The following DMD variants were observed in gnomAD, a reference collection of about 807,000 sequenced individuals.
DMD encodes the protein dystrophin, also known as mutant dystrophin.
Under a neutral mutation model 330.1 loss-of-function variants are expected in DMD, and 63 were observed. That is an observed-to-expected ratio of 0.19 (90% CI 0.16 to 0.24). The LOEUF is 0.24. Among genes scored for constraint, DMD ranks in the 10% least tolerant of loss-of-function variants. The probability of loss-of-function intolerance (pLI) is 1.00; values close to 1 mark genes in which losing one functional copy is unlikely to be tolerated. For synonymous variants in DMD, 1,223 were observed against 959.8 expected, an observed-to-expected ratio of 1.27 and a Z score of -5.07; for missense variants, 3,344 against 2,684.1, an observed-to-expected ratio of 1.25 and a Z score of -5.43.
At chrX:32,000,121 T>G (rs1603619760) in intron 44 of DMD, among the ~76,000 whole-genome samples, 1 of 112,366 alleles carries the variant, frequency 8.9e-6, no homozygotes, top group Middle Eastern at 4.6e-3. Flanking sequence ...AATTGATAAA[T>G]AAAATGGAAT....
intron 12 of DMD, among the ~76,000 whole-genome samples, chrX:32,599,980 C>T (rs115645557): frequency 0.052 from 5,871 of 111,976 alleles, 159 homozygotes; most frequent in African/African-American, 0.088. Flanking sequence ...ATTGGACAAA[C>T]AGTTTTTGTT....
intron 1 of DMD, among the ~76,000 whole-genome samples, chrX:33,323,318 A>C (rs1447203596): frequency 8.9e-6 from 1 of 111,994 alleles, no homozygotes; most frequent in East Asian, 2.8e-4. Context: ...AGTCTTGCTT[A>C]ATTTGTGAAA....
At chrX:32,935,125 C>A (rs892744134) in intron 2 of DMD, among the ~76,000 whole-genome samples, 3 of 112,250 alleles carry the variant, frequency 2.7e-5, no homozygotes, top group Non-Finnish European at 3.8e-5. Flanking sequence ...ACTACAGGCG[C>A]CCGCCACCAC....
At chrX:33,181,118 C>G (rs1444717976) in intron 1 of DMD, among the ~76,000 whole-genome samples, 1 of 110,707 alleles carries the variant, frequency 9.0e-6, no homozygotes, top group African/African-American at 3.3e-5. Flanking sequence ...GACCTAGGTT[C>G]TAATGATATA....
At chrX:33,153,724 T>A (rs930639365) in intron 1 of DMD, among the ~76,000 whole-genome samples, 1 of 112,575 alleles carries the variant, frequency 8.9e-6, no homozygotes, top group African/African-American at 3.2e-5. Context: ...TTTACCTTTG[T>A]TATAAAATTA....
At position 33,195,732 on chromosome X, in the gene DMD, TTGTG is replaced by T. The variant is rs71969580; in HGVS notation, c.31+15546_31+15549del. ...TAGGATTATCCCATCCTGTTCTATT[TTGTG>T]TGTGTGTGTGTGTGTGTGTGTGTGT... is the stretch of plus-strand genomic sequence containing the variant. On this transcript the variant is annotated intron_variant, in intron 1 of 78. Transcript: ENST00000357033. 9.2e-5 allele frequency among the ~76,000 whole-genome samples: 9 copies of T among 97,702 alleles called. No individual in the cohort carries two copies. The South Asian group carries it at 1.5e-3, about 16-fold the overall frequency. The allele number at this position is 97,702 out of a possible 115,157, so 84.8% of individuals were successfully genotyped here.
At chrX:31,802,304 G>A (rs1268127057) in intron 50 of DMD, among the ~76,000 whole-genome samples, 2 of 110,828 alleles carry the variant, frequency 1.8e-5, no homozygotes, top group Non-Finnish European at 3.8e-5. Flanking sequence ...TGAATGAGGA[G>A]AGATTAGGTT....
intron 44 of DMD, among the ~76,000 whole-genome samples, chrX:32,197,783 T>G (rs181128877): frequency 1.8e-3 from 200 of 111,951 alleles, no homozygotes; most frequent in Non-Finnish European, 2.3e-3. Context: ...AAATGTGGAC[T>G]AGCTAAAATG....
chrX:32,959,784 C>T (rs746384445), intron 2 of DMD, among the ~76,000 whole-genome samples: 17 of 111,435 alleles, frequency 1.5e-4, no homozygotes, highest in Non-Finnish European at 2.1e-4. Context: ...CAACAAATCA[C>T]GTATAGGCAA....
At chrX:31,672,071 C>T (rs979727878) in intron 53 of DMD, among the ~76,000 whole-genome samples, 2 of 111,795 alleles carry the variant, frequency 1.8e-5, no homozygotes, top group Non-Finnish European at 3.8e-5. Context: ...ACTGCTTCAG[C>T]CTCCTCCCAT....
chrX:32,378,193 T>C (rs2097911374), intron 34 of DMD, among the ~76,000 whole-genome samples: 2 of 110,512 alleles, frequency 1.8e-5, no homozygotes, highest in Admixed American at 9.7e-5. Context: ...CTTCTTGGTT[T>C]TGTCTTTTAG....
chrX:32,148,557 T>C (rs2096789547), intron 44 of DMD, among the ~76,000 whole-genome samples: 1 of 109,743 alleles, frequency 9.1e-6, no homozygotes, highest in African/African-American at 3.3e-5. Context: ...GAATAAACTA[T>C]TGTTTTTGTT....
chrX:32,592,787 A>G (rs141802115), intron 13 of DMD, among the ~76,000 whole-genome samples: 91 of 112,151 alleles, frequency 8.1e-4, no homozygotes, highest in African/African-American at 2.8e-3. Flanking sequence ...GGGTTGTGGC[A>G]TGCTGTAACA....
intron 44 of DMD, among the ~76,000 whole-genome samples, chrX:31,981,167 G>A (rs2095473677): frequency 8.9e-6 from 1 of 111,737 alleles, no homozygotes; most frequent in African/African-American, 3.3e-5. Flanking sequence ...GATCAATTTA[G>A]ACAATCTATA....
intron 11 of DMD, among the ~76,000 whole-genome samples, chrX:32,641,226 C>T (rs957573163): frequency 8.2e-5 from 9 of 110,346 alleles, no homozygotes; most frequent in African/African-American, 3.0e-4. Flanking sequence ...AACTATATTC[C>T]TATCCGGTAT....
At chrX:33,237,389 G>A (rs1276431638) in intron 1 of DMD, among the ~76,000 whole-genome samples, 1 of 109,502 alleles carries the variant, frequency 9.1e-6, no homozygotes, top group Non-Finnish European at 1.9e-5. Flanking sequence ...GATTACAGGC[G>A]TGTGCCACCA....
At position 32,545,211 on chromosome X, in the gene DMD, G is replaced by T. The variant is rs749527111; in HGVS notation, c.2116C>A (p.Pro706Thr). 1.7e-6 allele frequency: 2 copies of T among 1,210,718 alleles called. No individual in the cohort carries two copies. The highest frequency in any genetic ancestry group is 3.0e-5 in the East Asian group (1 of 33,807). The change falls in exon 17 of 79, where the codon CCA becomes ACA. Residue 706 changes from proline to threonine, a missense_variant. By Grantham distance (38) the Pro-to-Thr change is conservative (BLOSUM62 -1). Coordinates refer to ENST00000357033, the MANE Select transcript of DMD (RefSeq NM_004006.3). ...VKHAQEELPP[P>T]PPQKKRQITV... ...ATCTGCCTCTTCTTTTGGGGAGGTG[G>T]TGGTGGAAGTTCCTCTTGAGCATGC...
At chrX:32,226,434 A>T (rs146668950) in intron 43 of DMD, among the ~76,000 whole-genome samples, 4,820 of 111,587 alleles carry the variant, frequency 0.043, 261 homozygotes, top group African/African-American at 0.15. Flanking sequence ...CTCTATTAAC[A>T]TACTACTTCA....
At chrX:31,684,479 C>A (rs1569229110) in intron 52 of DMD, among the ~76,000 whole-genome samples, 1 of 111,762 alleles carries the variant, frequency 8.9e-6, no homozygotes, top group Non-Finnish European at 1.9e-5. Flanking sequence ...TCTCTTTGCT[C>A]TGTGGATGGT....
Sources: allele counts gnomAD v4.1 joint callset (sites outside exome capture counted in the v4.1 genomes callset), GRCh38; gene constraint gnomAD v4.1.1; transcripts MANE v1.5; gene names NCBI Gene and HGNC (gene_info 2026-07-23, HGNC 2026-07-21).